The following MAP3K20 variants were observed in gnomAD, a reference collection of about 807,000 sequenced individuals.
MAP3K20 encodes the protein mitogen-activated protein kinase kinase kinase 20, also known as HCCS-4.
Under a neutral mutation model 85.7 loss-of-function variants are expected in MAP3K20, and 40 were observed. That is an observed-to-expected ratio of 0.47 (90% CI 0.36 to 0.61). The LOEUF is 0.61. Among genes scored for constraint, MAP3K20 ranks in the 20% least tolerant of loss-of-function variants. MAP3K20 has a pLI of 0.00. For synonymous variants in MAP3K20, 325 were observed against 327.7 expected, an observed-to-expected ratio of 0.99 and a Z score of 0.09; for missense variants, 817 against 961.7, an observed-to-expected ratio of 0.85 and a Z score of 1.99.
At chr2:173,204,286 C>G (rs1683591580) in intron 9 of MAP3K20, among the ~76,000 whole-genome samples, 1 of 152,174 alleles carries the variant, frequency 6.6e-6, no homozygotes, top group Non-Finnish European at 1.5e-5. Context: ...CCTCATTTAA[C>G]AGATGAAGAA....
chr2:173,193,953 T>G (rs1387339549), intron 7 of MAP3K20, among the ~76,000 whole-genome samples: 1 of 152,216 alleles, frequency 6.6e-6, no homozygotes, highest in Admixed American at 6.5e-5. Context: ...CACTGAGCAT[T>G]TCCAGTGTTG....
At chr2:173,091,594 TCAG>T (rs1687301989) in intron 2 of MAP3K20, among the ~76,000 whole-genome samples, 1 of 152,204 alleles carries the variant, frequency 6.6e-6, no homozygotes, top group Non-Finnish European at 1.5e-5. Context: ...CTTCTGGTCA[TCAG>T]CAGTTGTCTT....
chr2:173,216,730 C>T (rs1332474235), intron 10 of MAP3K20, among the ~76,000 whole-genome samples: 2 of 152,134 alleles, frequency 1.3e-5, no homozygotes, highest in Non-Finnish European at 2.9e-5. Context: ...CATTTTCCCA[C>T]CTATACTATG....
chr2:173,198,186 C>A lies in MAP3K20; in HGVS notation c.669+74C>A. 1 of 1,348,662 alleles carries A rather than the reference C, an allele frequency of 7.4e-7. No individual in the cohort carries two copies. Among genetic ancestry groups the A allele is most frequent in the Non-Finnish European group, 1.0e-6 (1 of 966,210 alleles). 83.5% of individuals were successfully genotyped at this position (1,348,662 alleles called of 1,614,324 possible). A position where few individuals can be genotyped will look rare whatever the true frequency, so the allele number is the denominator to read the frequency against. ...GGGGTTTTGCAAAAGACTTTTTCAT[C>A]TTCTTCAAATTGAAAGTAAGTTCAC... On this transcript the variant is annotated intron_variant, in intron 8 of 19. Transcript: ENST00000375213. The surrounding 1 kb of genome is among the most constrained non-coding windows in gnomAD (Gnocchi z 5.8).
intron 11 of MAP3K20, chr2:173,221,246 G>A (rs867438439): frequency 1.2e-6 from 2 of 1,613,830 alleles, no homozygotes; most frequent in African/African-American, 1.3e-5. Flanking sequence ...TCAGATCACA[G>A]CAACAAGTAA....
At chr2:173,175,704 C>T (rs538660478) in intron 3 of MAP3K20, among the ~76,000 whole-genome samples, 16 of 152,170 alleles carry the variant, frequency 1.1e-4, no homozygotes, top group African/African-American at 3.6e-4. Flanking sequence ...GTTCTGCTGC[C>T]ATTGTTGTTT....
intron 11 of MAP3K20, among the ~76,000 whole-genome samples, chr2:173,228,278 A>G (rs1243884007): frequency 1.3e-5 from 2 of 151,916 alleles, no homozygotes; most frequent in East Asian, 1.9e-4. Flanking sequence ...TTCCTCCAAC[A>G]TGAACTCACT....
At chr2:173,163,601 C>A (rs1009049107) in intron 2 of MAP3K20, among the ~76,000 whole-genome samples, 1 of 152,126 alleles carries the variant, frequency 6.6e-6, no homozygotes, top group African/African-American at 2.4e-5. Context: ...TTTTTTATGG[C>A]TGCATAGTAT....
intron 11 of MAP3K20, among the ~76,000 whole-genome samples, chr2:173,228,148 AG>A (rs1684436610): frequency 6.6e-6 from 1 of 152,252 alleles, no homozygotes; most frequent in African/African-American, 2.4e-5. Context: ...GATCGATTTC[AG>A]TGTGTACTTT....
At chr2:173,103,232 A>G (rs1321109284) in intron 2 of MAP3K20, among the ~76,000 whole-genome samples, 1 of 152,156 alleles carries the variant, frequency 6.6e-6, no homozygotes, top group Non-Finnish European at 1.5e-5. Context: ...TCTTAACTAC[A>G]CAGTAAAGCC....
intron 2 of MAP3K20, among the ~76,000 whole-genome samples, chr2:173,134,416 A>ATTTTTTTT (rs1559246056): frequency 1.6e-4 from 1 of 6,378 alleles, no homozygotes; most frequent in Non-Finnish European, 3.3e-4. Context: ...ATATATATAT[A>ATTTTTTTT]TATATATATA....
At chr2:173,099,965 C>G (rs897265741) in intron 2 of MAP3K20, among the ~76,000 whole-genome samples, 1 of 152,254 alleles carries the variant, frequency 6.6e-6, no homozygotes, top group African/African-American at 2.4e-5. Flanking sequence ...TTAACGATCA[C>G]TCGCATCTTC....
intron 1 of MAP3K20, among the ~76,000 whole-genome samples, chr2:173,088,997 G>A (rs903194889): frequency 7.2e-5 from 11 of 152,104 alleles, no homozygotes; most frequent in South Asian, 4.1e-4. Flanking sequence ...GTAGAGCAGC[G>A]TTTGACTTCA....
chr2:173,163,630 C>G (rs1286092162), intron 2 of MAP3K20, among the ~76,000 whole-genome samples: 1 of 151,976 alleles, frequency 6.6e-6, no homozygotes, highest in Non-Finnish European at 1.5e-5. Flanking sequence ...ATGTATGTAC[C>G]ACATTTTCTT....
chr2:173,215,331 C>T (rs567635181), intron 10 of MAP3K20, among the ~76,000 whole-genome samples: 1 of 152,198 alleles, frequency 6.6e-6, no homozygotes, highest in South Asian at 2.1e-4. Context: ...AGATGGCTCA[C>T]TCTTTTCTTT....
intron 2 of MAP3K20, among the ~76,000 whole-genome samples, chr2:173,096,123 G>T (rs1329343157): frequency 6.6e-6 from 1 of 152,056 alleles, no homozygotes. Flanking sequence ...CAAATAAGTT[G>T]CAGGCATCAG....
chr2:173,175,803 G>A (rs1015321233), intron 3 of MAP3K20, among the ~76,000 whole-genome samples: 7 of 152,074 alleles, frequency 4.6e-5, no homozygotes, highest in Non-Finnish European at 8.8e-5. Flanking sequence ...TTAATTTATG[G>A]GTGTTTGACT....
At chr2:173,246,971 G>A (rs1684930564) in intron 16 of MAP3K20, among the ~76,000 whole-genome samples, 1 of 152,212 alleles carries the variant, frequency 6.6e-6, no homozygotes, top group African/African-American at 2.4e-5. Context: ...AAGAAAAGTA[G>A]GAAGAGTAAA....
At chr2:173,206,926 CTTTCT>C (rs1332307447) in intron 9 of MAP3K20, among the ~76,000 whole-genome samples, 2 of 72,104 alleles carry the variant, frequency 2.8e-5, no homozygotes, top group Admixed American at 3.4e-4. Context: ...CAATAAAGTA[CTTTCT>C]TTTTTTTTTT....
Sources: gnomAD v4.1 joint callset for allele counts (sites outside exome capture counted in the v4.1 genomes callset) on GRCh38, gnomAD v4.1.1 for gene constraint, Gnocchi (gnomAD v3.1) non-coding constraint, MANE v1.5 for transcripts, NCBI Gene and HGNC (gene_info 2026-07-23, HGNC 2026-07-21) for gene names.